FILIP1: variants seen among roughly 807,000 people sequenced by gnomAD.
FILIP1 encodes filamin A interacting protein 1.
In FILIP1, 61 loss-of-function variants were observed where a neutral mutation model predicts 102.1. The ratio of observed to expected loss-of-function variants is 0.60; its 90% CI spans 0.49 to 0.74. The LOEUF (loss-of-function observed/expected upper bound fraction) is 0.74. Among genes scored for constraint, FILIP1 ranks in the 30% least tolerant of loss-of-function variants. FILIP1 has a pLI of 0.00. For missense variants in FILIP1, 1,314 were observed against 1,441.2 expected (o/e 0.91, Z 1.43); for synonymous variants, 491 against 526.9 (o/e 0.93, Z 0.93).
intron 1 of FILIP1, among the ~76,000 whole-genome samples, chr6:75,432,254 A>C (rs115111594): frequency 6.6e-6 from 1 of 152,220 alleles, no homozygotes; most frequent in Non-Finnish European, 1.5e-5. Context: ...TTGAAGACAG[A>C]CTTGATGTAA....
chr6:75,455,200 CA>C (rs1282558415), intron 1 of FILIP1: 1 of 152,058 alleles, frequency 6.6e-6, no homozygotes, highest in African/African-American at 2.4e-5. Flanking sequence ...TCTGAAGAAG[CA>C]AAAGGAAATG....
At chr6:75,371,905 T>C (rs2998373) in intron 2 of FILIP1, among the ~76,000 whole-genome samples, 4,471 of 152,302 alleles carry the variant, frequency 0.029, 248 homozygotes, top group African/African-American at 0.1. Flanking sequence ...ATATAGCACT[T>C]ATTTCTTGGA....
At chr6:75,370,256 T>C (rs908758109) in intron 2 of FILIP1, among the ~76,000 whole-genome samples, 3 of 152,234 alleles carry the variant, frequency 2.0e-5, no homozygotes, top group African/African-American at 7.2e-5. Context: ...TACTTACATA[T>C]GGTAATTTAT....
intron 1 of FILIP1, among the ~76,000 whole-genome samples, chr6:75,434,743 AGAGGGCATCCCTGTCT>A (rs1246160140): frequency 6.6e-6 from 1 of 152,218 alleles, no homozygotes; most frequent in Non-Finnish European, 1.5e-5. Flanking sequence ...GAGTGGTGAG[AGAGGGCATCCCTGTCT>A]TGTGCCAGTT....
chr6:75,426,734 A>ACT (rs1777638936), intron 1 of FILIP1, among the ~76,000 whole-genome samples: 1 of 145,712 alleles, frequency 6.9e-6, no homozygotes, highest in Non-Finnish European at 1.5e-5. Flanking sequence ...AACCATGGGC[A>ACT]CTACTTCAAC....
At chr6:75,376,719 C>T (rs1431414392) in intron 2 of FILIP1, among the ~76,000 whole-genome samples, 1 of 152,132 alleles carries the variant, frequency 6.6e-6, no homozygotes, top group Non-Finnish European at 1.5e-5. Flanking sequence ...TTTCTCATCC[C>T]TGTTGTTCCC....
At chr6:75,401,986 A>G (rs1776675207) in intron 2 of FILIP1, among the ~76,000 whole-genome samples, 1 of 152,220 alleles carries the variant, frequency 6.6e-6, no homozygotes, top group South Asian at 2.1e-4. Context: ...TGTAGGCTGC[A>G]GCCATTTAGG....
chr6:75,468,012 C>G (rs1423196206), intron 1 of FILIP1, among the ~76,000 whole-genome samples: 1 of 152,094 alleles, frequency 6.6e-6, no homozygotes, highest in Non-Finnish European at 1.5e-5. Flanking sequence ...GGTATGGAAG[C>G]TTGAATCAGA....
chr6:75,439,350 G>A (rs965407318), intron 1 of FILIP1, among the ~76,000 whole-genome samples: 1 of 144,860 alleles, frequency 6.9e-6, no homozygotes, highest in Non-Finnish European at 1.5e-5. Flanking sequence ...TGGGCGACAA[G>A]AGCGAGACTC....
At position 75,313,031 on chromosome 6, in the gene FILIP1, T is replaced by G; in HGVS notation, c.2801A>C (p.Glu934Ala). ...TLEITSPTSEEFFSSTTVIPT... is the reference protein window; with the variant it reads ...TLEITSPTSEAFFSSTTVIPT... The stretch of plus-strand genomic sequence containing the variant: ...AATGACAGTGGTACTAGAAAAAAAT[T>G]CTTCAGATGTCGGGCTTGTTATCTC... The change falls in exon 5 of 6, where the codon GAA (glutamate) becomes GCA (alanine). Residue 934 changes from glutamate to alanine, a missense_variant. Physicochemically the swap from Glu to Ala is moderately radical, Grantham distance 107. This residue lies in a region of FILIP1 where 816 missense variants were observed against 913.1 expected (regional missense o/e 0.89). Transcript: ENST00000237172. The surrounding 1 kb of genome is among the most constrained non-coding windows in gnomAD (Gnocchi z 4.2). 2.5e-6 allele frequency: 4 copies of G among 1,614,186 alleles called. No homozygotes were observed. The highest frequency in any genetic ancestry group is 3.4e-6 in the Non-Finnish European group (4 of 1,180,032).
chr6:75,420,535 A>T (rs1405181786), intron 1 of FILIP1, among the ~76,000 whole-genome samples: 1 of 152,138 alleles, frequency 6.6e-6, no homozygotes, highest in African/African-American at 2.4e-5. Context: ...CTACTATTCA[A>T]GATCCTCCAC....
chr6:75,448,534 G>A (rs949919566), intron 1 of FILIP1, among the ~76,000 whole-genome samples: 2 of 152,018 alleles, frequency 1.3e-5, no homozygotes, highest in Non-Finnish European at 2.9e-5. Flanking sequence ...CTTCTGCACA[G>A]CAAAGGAAAT....
intron 4 of FILIP1, among the ~76,000 whole-genome samples, chr6:75,326,817 ACT>A (rs1279269996): frequency 6.6e-6 from 1 of 152,110 alleles, no homozygotes; most frequent in East Asian, 1.9e-4. Flanking sequence ...GGTTTGCCAG[ACT>A]CTGTTTAGGT....
chr6:75,334,313 T>G (rs1303803908), intron 4 of FILIP1, among the ~76,000 whole-genome samples: 2 of 152,104 alleles, frequency 1.3e-5, no homozygotes, highest in African/African-American at 2.4e-5. Flanking sequence ...CCAGGAGCAC[T>G]CTTCATACCA....
chr6:75,324,590 C>T (rs535524569), intron 4 of FILIP1, among the ~76,000 whole-genome samples: 2 of 152,062 alleles, frequency 1.3e-5, no homozygotes, highest in Non-Finnish European at 2.9e-5. Flanking sequence ...AAAAAACAAT[C>T]CTAAAATTTA....
At chr6:75,337,537 C>G (rs915961927) in intron 4 of FILIP1, among the ~76,000 whole-genome samples, 2 of 151,466 alleles carry the variant, frequency 1.3e-5, no homozygotes, top group Admixed American at 6.6e-5. Context: ...GCTTTCATCT[C>G]ACAAAACTTT....
downstream of FILIP1, among the ~76,000 whole-genome samples, chr6:75,305,430 T>A (rs903085913): frequency 5.9e-5 from 9 of 152,224 alleles, no homozygotes; most frequent in African/African-American, 2.2e-4. Context: ...TTTTCACTTC[T>A]TTCTTGAAGA....
chr6:75,374,154 T>C (rs1340763660), intron 2 of FILIP1, among the ~76,000 whole-genome samples: 1 of 152,176 alleles, frequency 6.6e-6, no homozygotes, highest in Non-Finnish European at 1.5e-5. Flanking sequence ...CATTAGGATA[T>C]TAATAGTGTG....
rs780083254 is a variant in FILIP1 at position 75,452,200 on chromosome 6, C to T, written c.-6-37222G>A. Reference sequence around the variant, plus strand: ...TGTATACATGTGCCATGTTGGTGTGCTGTACCCTTTAACTTATCATTTACA... The same window carrying T: ...TGTATACATGTGCCATGTTGGTGTGTTGTACCCTTTAACTTATCATTTACA... On this transcript the variant is annotated intron_variant, in intron 1 of 5. Transcript: ENST00000237172. 7.5e-4 allele frequency among the ~76,000 whole-genome samples: 114 copies of T among 151,730 alleles called. No homozygotes were observed. The Middle Eastern group carries it at 0.01, about 14-fold the overall frequency.
Sources: gnomAD v4.1 joint callset for allele counts (sites outside exome capture counted in the v4.1 genomes callset) on GRCh38, gnomAD v4.1.1 for gene constraint, gnomAD v4.1.1 regional missense constraint, Gnocchi (gnomAD v3.1) non-coding constraint, MANE v1.5 for transcripts, NCBI Gene and HGNC (gene_info 2026-07-23, HGNC 2026-07-21) for gene names.